GSE1: variants seen among roughly 807,000 people sequenced by gnomAD.
GSE1 encodes genetic suppressor element 1.
In GSE1, 32 loss-of-function variants were observed where a neutral mutation model predicts 112.6. The ratio of observed to expected loss-of-function variants is 0.28; its 90% CI spans 0.21 to 0.38. The LOEUF (loss-of-function observed/expected upper bound fraction) is 0.38, where lower values mean the gene tolerates loss of function less well. Ranked by LOEUF, GSE1 falls within the 10% of genes least tolerant of loss-of-function variation. The pLI is 1.00. For missense variants in GSE1, 2,348 were observed against 1,699.2 expected (o/e 1.38, Z -6.71); for synonymous variants, 1,115 against 735.6 (o/e 1.52, Z -8.35).
Position 85,655,710 on chromosome 16 carries a change from C to T in GSE1, c.798-16C>T, listed in dbSNP as rs201161118. 26 of 1,565,142 alleles carry T rather than the reference C, an allele frequency of 1.7e-5. No individual in the cohort carries two copies. Among genetic ancestry groups the T allele is most frequent in the Middle Eastern group, 1.7e-4 (1 of 5,850 alleles). On this transcript the variant is annotated splice_polypyrimidine_tract_variant and intron_variant, in intron 5 of 15. Transcript: ENST00000253458. ...TTGGTTCATTTGCTGCTCACAGCCC[C>T]GTCTTCTCTGCACAGGATGGACGAC... is the stretch of plus-strand genomic sequence containing the variant.
At chr16:85,610,721 C>T (rs1341417266), upstream of GSE1, among the ~76,000 whole-genome samples, 1 of 152,198 alleles carries the variant, frequency 6.6e-6, no homozygotes, top group African/African-American at 2.4e-5. Context: ...CGCCTCGCTC[C>T]CCTAGGCCTA....
chr16:85,271,042 C>G (rs1457314357), intron 1 of GSE1, among the ~76,000 whole-genome samples: 1 of 152,242 alleles, frequency 6.6e-6, no homozygotes, highest in African/African-American at 2.4e-5. Context: ...CCAAAAGGAT[C>G]TCTTTTTCTA....
At chr16:85,569,215 T>A (rs1421076834) in intron 1 of GSE1, among the ~76,000 whole-genome samples, 2 of 152,220 alleles carry the variant, frequency 1.3e-5, no homozygotes, top group Non-Finnish European at 2.9e-5. Context: ...CTGTTCCTGC[T>A]GCCTAGAGCG....
At position 85,666,216 on chromosome 16, in the gene GSE1, T is replaced by G. The variant is rs147088759; in HGVS notation, c.2999T>G (p.Ile1000Ser). 87 of 1,613,696 alleles carry G rather than the reference T, an allele frequency of 5.4e-5. No individual in the cohort carries two copies. In the African/African-American group the frequency reaches 1.1e-3, roughly 20 times the overall value. ...HYIRGAAPKDIPVPLSHSTNG... is the reference protein window; with the variant it reads ...HYIRGAAPKDSPVPLSHSTNG... ...ATCCGGGGCGCTGCACCCAAGGACA[T>G]TCCTGTGCCGCTGTCCCACAGCACC... is the stretch of plus-strand genomic sequence containing the variant. Residue 1000 changes from isoleucine (I) to serine (S), a missense_variant, in exon 13 of 16, where the codon ATT (isoleucine) becomes AGT (serine). By Grantham distance (142) the Ile-to-Ser change is moderately radical (BLOSUM62 -2). Coordinates refer to ENST00000253458, the MANE Select transcript of GSE1 (RefSeq NM_014615.5).
intron 2 of GSE1, among the ~76,000 whole-genome samples, chr16:85,515,975 G>A (rs1404310681): frequency 6.6e-6 from 1 of 152,176 alleles, no homozygotes; most frequent in Non-Finnish European, 1.5e-5. Context: ...GGCAAGCAGG[G>A]GAAAGGGCAG....
chr16:85,613,529 G>A (rs1345112908), intron 1 of GSE1, 131 bp downstream of exon 1: 2 of 850,066 alleles, frequency 2.4e-6, no homozygotes, highest in South Asian at 1.8e-5. Context: ...GAGTGTTAGC[G>A]GCGATAAGAG....
At chr16:85,317,859 G>A (rs2151493551) in intron 1 of GSE1, among the ~76,000 whole-genome samples, 1 of 152,354 alleles carries the variant, frequency 6.6e-6, no homozygotes, top group East Asian at 1.9e-4. Flanking sequence ...CAGACTAAGA[G>A]GGAAACTATC....
At chr16:85,540,871 C>T (rs1484327245) in intron 2 of GSE1, among the ~76,000 whole-genome samples, 1 of 152,156 alleles carries the variant, frequency 6.6e-6, no homozygotes, top group East Asian at 1.9e-4. Flanking sequence ...TGCACCACTG[C>T]ACTCCGGCCT....
At chr16:85,172,526 C>A (rs12927356) in intron 1 of GSE1, among the ~76,000 whole-genome samples, 3 of 152,210 alleles carry the variant, frequency 2.0e-5, no homozygotes, top group African/African-American at 7.2e-5. Flanking sequence ...AGGAGCCAGA[C>A]GGGGCTCAGT....
chr16:85,632,855 C>A (rs76506676), intron 1 of GSE1, among the ~76,000 whole-genome samples: 1,853 of 152,232 alleles, frequency 0.012, 40 homozygotes, highest in African/African-American at 0.043. Flanking sequence ...GGCGTCTCTG[C>A]GGGGGAGGGA....
intron 1 of GSE1, among the ~76,000 whole-genome samples, chr16:85,562,638 G>C (rs996923159): frequency 3.9e-5 from 6 of 152,262 alleles, no homozygotes; most frequent in Admixed American, 6.5e-5. Flanking sequence ...CCGGGAAGGG[G>C]AGGACGTGTC....
At chr16:85,627,420 C>A (rs1015864970) in intron 1 of GSE1, among the ~76,000 whole-genome samples, 3 of 152,022 alleles carry the variant, frequency 2.0e-5, no homozygotes, top group Admixed American at 2.0e-4. Context: ...GGGGTATGTC[C>A]CCTGGCCCCT....
intron 1 of GSE1, 129 bp from the exon 2 acceptor site, chr16:85,633,785 C>T (rs1347053862): frequency 1.2e-5 from 8 of 660,040 alleles, no homozygotes; most frequent in Non-Finnish European, 1.9e-5. Flanking sequence ...TCTTGCTTGT[C>T]CTGCTGGAGC....
intron 2 of GSE1, among the ~76,000 whole-genome samples, chr16:85,397,385 C>T (rs890269148): frequency 2.0e-5 from 3 of 152,252 alleles, no homozygotes; most frequent in African/African-American, 7.2e-5. Context: ...GAGCCGTCTC[C>T]TGCGGGCGGT....
chr16:85,548,564 A>G (rs544558736), intron 2 of GSE1, among the ~76,000 whole-genome samples: 28 of 152,334 alleles, frequency 1.8e-4, no homozygotes, highest in African/African-American at 6.5e-4. Flanking sequence ...GTGTTGCTGC[A>G]AATGACAGGG....
At chr16:85,208,895 G>T (rs1444152527) in intron 1 of GSE1, among the ~76,000 whole-genome samples, 1 of 120,718 alleles carries the variant, frequency 8.3e-6, no homozygotes, top group African/African-American at 3.0e-5. Context: ...GTTGGGGTTT[G>T]CCGTGTGTTG....
At chr16:85,427,254 T>C (rs549777174) in intron 2 of GSE1, among the ~76,000 whole-genome samples, 17 of 152,232 alleles carry the variant, frequency 1.1e-4, no homozygotes, top group Admixed American at 5.2e-4. Context: ...CTACGGATTA[T>C]ACAACTCAGG....
At chr16:85,208,922 G>T (rs997691234) in intron 1 of GSE1, among the ~76,000 whole-genome samples, 1 of 149,528 alleles carries the variant, frequency 6.7e-6, no homozygotes, top group Admixed American at 6.7e-5. Flanking sequence ...GCCACGTGTC[G>T]GGGTTCGCCT....
At chr16:85,253,220 G>A (rs953242561) in intron 1 of GSE1, among the ~76,000 whole-genome samples, 2 of 152,168 alleles carry the variant, frequency 1.3e-5, no homozygotes, top group African/African-American at 2.4e-5. Flanking sequence ...CCTCGCCGCC[G>A]GCGACTCACA....
Sources: gnomAD v4.1 joint callset for allele counts (sites outside exome capture counted in the v4.1 genomes callset) on GRCh38, gnomAD v4.1.1 for gene constraint, MANE v1.5 for transcripts, NCBI Gene and HGNC (gene_info 2026-07-23, HGNC 2026-07-21) for gene names.